The following CDKAL1 variants were observed in gnomAD, a reference collection of about 807,000 sequenced individuals.
CDKAL1 encodes the protein CDKAL1 threonylcarbamoyladenosine tRNA methylthiotransferase, also known as threonylcarbamoyladenosine tRNA methylthiotransferase.
Under a neutral mutation model 68.2 loss-of-function variants are expected in CDKAL1, and 32 were observed. The ratio of observed to expected loss-of-function variants is 0.47; its 90% CI spans 0.35 to 0.63. The LOEUF (loss-of-function observed/expected upper bound fraction) is 0.63, where lower values mean the gene tolerates loss of function less well. Among genes scored for constraint, CDKAL1 ranks in the 30% least tolerant of loss-of-function variants. The probability of loss-of-function intolerance (pLI) is 0.00; values close to 1 mark genes in which losing one functional copy is unlikely to be tolerated. For missense variants in CDKAL1, 606 were observed against 696.7 expected (o/e 0.87, Z 1.47); for synonymous variants, 234 against 244.3 (o/e 0.96, Z 0.39).
intron 10 of CDKAL1, among the ~76,000 whole-genome samples, chr6:20,994,029 C>T (rs1251987151): frequency 6.6e-6 from 1 of 152,176 alleles, no homozygotes; most frequent in African/African-American, 2.4e-5. Context: ...GATACATGCC[C>T]ACCAAATCTG....
intron 13 of CDKAL1, among the ~76,000 whole-genome samples, chr6:21,191,776 A>T (rs1322359034): frequency 7.1e-6 from 1 of 141,824 alleles, no homozygotes; most frequent in Non-Finnish European, 1.5e-5. Flanking sequence ...AAAAAAAAAA[A>T]GTATAAGAGC....
intron 15 of CDKAL1, among the ~76,000 whole-genome samples, chr6:21,216,606 G>A (rs537854697): frequency 6.6e-6 from 1 of 152,278 alleles, no homozygotes; most frequent in Admixed American, 6.5e-5. Flanking sequence ...AGGCGGTAAA[G>A]GAAACGTGCT....
At chr6:21,022,198 T>G (rs1178817943) in intron 11 of CDKAL1, among the ~76,000 whole-genome samples, 1 of 152,190 alleles carries the variant, frequency 6.6e-6, no homozygotes, top group Non-Finnish European at 1.5e-5. Context: ...GAAATTAAGT[T>G]ACATTTAAAA....
intron 9 of CDKAL1, among the ~76,000 whole-genome samples, chr6:20,858,148 T>C (rs1482026222): frequency 3.3e-5 from 5 of 152,218 alleles, no homozygotes; most frequent in Non-Finnish European, 7.3e-5. Flanking sequence ...CGTGAGCTAC[T>C]GTGCCCGTCC....
intron 4 of CDKAL1, among the ~76,000 whole-genome samples, chr6:20,590,440 G>A (rs762852439): frequency 2.0e-5 from 3 of 151,954 alleles, no homozygotes; most frequent in African/African-American, 4.8e-5. Flanking sequence ...CACGTGCCAC[G>A]GTGGTTTGCT....
chr6:20,877,569 C>T (rs1038047896), intron 9 of CDKAL1, among the ~76,000 whole-genome samples: 2 of 152,146 alleles, frequency 1.3e-5, no homozygotes, highest in Middle Eastern at 3.2e-3. Context: ...TGTGTATTAC[C>T]GCAGCTGGCC....
At chr6:21,103,927 A>C (rs980494266) in intron 12 of CDKAL1, among the ~76,000 whole-genome samples, 30 of 152,240 alleles carry the variant, frequency 2.0e-4, no homozygotes, top group African/African-American at 7.0e-4. Flanking sequence ...TTTTTGGCTC[A>C]GCTTTTCGTT....
intron 13 of CDKAL1, among the ~76,000 whole-genome samples, chr6:21,169,839 AG>A (rs1010206252): frequency 1.3e-5 from 2 of 152,014 alleles, no homozygotes; most frequent in African/African-American, 4.8e-5. Flanking sequence ...CAGGCAAGAG[AG>A]GGTTTGCAGA....
At position 20,534,503 on chromosome 6, in the gene CDKAL1, G is replaced by C. The variant is rs1428213726; in HGVS notation, c.-121G>C. 2 of 152,798 alleles carry C rather than the reference G, an allele frequency of 1.3e-5. No homozygotes were observed. The highest frequency in any genetic ancestry group is 4.8e-5 in the African/African-American group (2 of 41,440). 9.5% of individuals were successfully genotyped at this position (152,798 alleles called of 1,614,324 possible). ...TGTGTCATGGCGCTCTCCATCTAAAGTCTGTGCAGCTTCCGGAGAGTGGCG... is the reference window on the plus strand; with the variant it reads ...TGTGTCATGGCGCTCTCCATCTAAACTCTGTGCAGCTTCCGGAGAGTGGCG... On this transcript the variant is annotated 5_prime_UTR_variant, in exon 1 of 16. Transcript: ENST00000274695.
At chr6:20,924,740 A>G (rs1321815782) in intron 9 of CDKAL1, among the ~76,000 whole-genome samples, 1 of 152,246 alleles carries the variant, frequency 6.6e-6, no homozygotes, top group African/African-American at 2.4e-5. Flanking sequence ...TCTCCATAAC[A>G]TAAAAGTGCA....
intron 11 of CDKAL1, among the ~76,000 whole-genome samples, chr6:21,036,172 A>C (rs553151536): frequency 6.6e-6 from 1 of 152,182 alleles, no homozygotes; most frequent in African/African-American, 2.4e-5. Context: ...TTTAAACATT[A>C]GTTGTTGTTA....
chr6:20,738,359 C>CTA (rs2150322639), intron 5 of CDKAL1, among the ~76,000 whole-genome samples: 2 of 152,120 alleles, frequency 1.3e-5, no homozygotes, highest in Middle Eastern at 3.4e-3. Context: ...TAAATGTTTG[C>CTA]TATATATATG....
At chr6:20,555,625 G>GTTTTT (rs61408771) in intron 4 of CDKAL1, among the ~76,000 whole-genome samples, 1 of 123,706 alleles carries the variant, frequency 8.1e-6, no homozygotes, top group Non-Finnish European at 1.6e-5. Context: ...AGCCAGAGTT[G>GTTTTT]TTTTTTTTTT....
At chr6:20,853,254 C>T (rs773522870) in intron 9 of CDKAL1, among the ~76,000 whole-genome samples, 28 of 152,054 alleles carry the variant, frequency 1.8e-4, no homozygotes, top group African/African-American at 5.8e-4. Context: ...TGGTGGCGCA[C>T]GCCTGTAACC....
At chr6:20,954,902 T>C (rs1764706570) in intron 9 of CDKAL1, among the ~76,000 whole-genome samples, 1 of 152,208 alleles carries the variant, frequency 6.6e-6, no homozygotes, top group Admixed American at 6.5e-5. Flanking sequence ...TTTAATTGAA[T>C]AATGAAGACA....
At chr6:21,176,699 T>TG (rs1424156194) in intron 13 of CDKAL1, among the ~76,000 whole-genome samples, 3 of 145,954 alleles carry the variant, frequency 2.1e-5, no homozygotes, top group African/African-American at 5.1e-5. Flanking sequence ...TTTTTTTGTT[T>TG]TTTTTTTTTT....
chr6:20,743,971 G>GATGTAT (rs1180770988), intron 6 of CDKAL1, among the ~76,000 whole-genome samples: 2 of 152,166 alleles, frequency 1.3e-5, no homozygotes, highest in Non-Finnish European at 2.9e-5. Context: ...GTATCTAGAT[G>GATGTAT]ATGTATATTT....
At chr6:21,164,393 C>A (rs1777053568) in intron 13 of CDKAL1, among the ~76,000 whole-genome samples, 1 of 151,892 alleles carries the variant, frequency 6.6e-6, no homozygotes, top group African/African-American at 2.4e-5. Context: ...TAGGATCTAG[C>A]CAGAACCCAG....
In CDKAL1 at chr6:21,014,612, T is replaced by TAAA. The variant is rs34834774; in HGVS notation, c.1055+14254_1055+14256dup. 4.7e-4 allele frequency among the ~76,000 whole-genome samples: 59 copies of TAAA among 126,714 alleles called. 1 individual carries two copies. The highest frequency in any genetic ancestry group is 2.7e-3 in the East Asian group (12 of 4,454). 83.1% of individuals were successfully genotyped at this position (126,714 alleles called of 152,430 possible). On this transcript the variant is annotated intron_variant, in intron 11 of 15. Transcript: ENST00000274695. ...GGTGACAGAGCGAGACTCCGTCTCA[T>TAAA]AAAAAAAAAAAAAAAAGTTCTCATG... is the stretch of plus-strand genomic sequence containing the variant.
Sources: allele counts gnomAD v4.1 joint callset (sites outside exome capture counted in the v4.1 genomes callset), GRCh38; gene constraint gnomAD v4.1.1; transcripts MANE v1.5; gene names NCBI Gene and HGNC (gene_info 2026-07-23, HGNC 2026-07-21).